Variants in BRD7 observed in about 807,000 individuals in gnomAD.
BRD7 encodes bromodomain containing 7, also known as bromodomain-containing protein 7.
BRD7 carries 15 observed loss-of-function variants against 82.1 expected under a neutral mutation model. The ratio of observed to expected loss-of-function variants is 0.18; its 90% CI spans 0.12 to 0.28. The LOEUF is 0.28. Ranked by LOEUF, BRD7 falls within the 10% of genes least tolerant of loss-of-function variation. BRD7 has a pLI of 1.00. For synonymous variants in BRD7, 232 were observed against 266.9 expected, an observed-to-expected ratio of 0.87 and a Z score of 1.27; for missense variants, 638 against 779.9, an observed-to-expected ratio of 0.82 and a Z score of 2.17.
chr16:50,320,872 T>A, intron 13 of BRD7, 98 bp from the exon 14 acceptor site: 1 of 794,654 alleles, frequency 1.3e-6, no homozygotes. Flanking sequence ...CAGGCAAAGT[T>A]ATTCTACCTA....
chr16:50,366,485 C>T (rs1171377667), intron 2 of BRD7, among the ~76,000 whole-genome samples: 2 of 152,330 alleles, frequency 1.3e-5, no homozygotes, highest in Non-Finnish European at 2.9e-5. Flanking sequence ...AAGCAATGAT[C>T]TAACTAGTTA....
At chr16:50,328,216 G>A (rs191838066) in intron 9 of BRD7, among the ~76,000 whole-genome samples, 3 of 152,256 alleles carry the variant, frequency 2.0e-5, no homozygotes, top group East Asian at 3.9e-4. Flanking sequence ...ACTGACTATA[G>A]TGAAAGATAC....
At position 50,339,966 on chromosome 16, in the gene BRD7, T is replaced by C. The variant is rs1308358452; in HGVS notation, c.702+10A>G. The C allele has an allele frequency of 2.0e-6, 3 of 1,506,152 alleles. No individual in the cohort carries two copies. Among genetic ancestry groups the C allele is most frequent in the East Asian group, 2.3e-5 (1 of 42,944 alleles). 93.3% of individuals were successfully genotyped at this position (1,506,152 alleles called of 1,614,324 possible). The stretch of plus-strand genomic sequence containing the variant: ...AATAACTATTATTTATGACAAAGAG[T>C]TTCCTTTACCTGGCTAAGAATTTTC... On this transcript the variant is annotated intron_variant, in intron 6 of 16. Transcript: ENST00000394688.
intron 4 of BRD7, among the ~76,000 whole-genome samples, chr16:50,352,687 T>A (rs1205004128): frequency 6.6e-6 from 1 of 150,768 alleles, no homozygotes; most frequent in Non-Finnish European, 1.5e-5. Flanking sequence ...CTCTACCACA[T>A]TCTTGCCAGC....
At chr16:50,357,019 G>A (rs532331553) in intron 2 of BRD7, among the ~76,000 whole-genome samples, 9 of 152,264 alleles carry the variant, frequency 5.9e-5, no homozygotes, top group African/African-American at 1.9e-4. Flanking sequence ...CAGACTGGCA[G>A]CATCAGGATT....
chr16:50,350,746 A>G (rs185238526), intron 4 of BRD7, among the ~76,000 whole-genome samples: 54 of 152,270 alleles, frequency 3.5e-4, no homozygotes, highest in Non-Finnish European at 2.1e-4. Context: ...AAACCCCAAA[A>G]TCAGAAACTC....
At chr16:50,333,530 C>A (rs1233275755) in intron 8 of BRD7, 44 bp downstream of exon 8, 1 of 1,596,182 alleles carries the variant, frequency 6.3e-7, no homozygotes, top group Admixed American at 1.8e-5. Context: ...TTTCAGATGC[C>A]CCAAATCAGT....
rs770259248 is a variant in BRD7 at position 50,318,929 on chromosome 16, G to GTGA, written c.*279_*281dup. 1.9e-5 allele frequency: 6 copies of GTGA among 323,516 alleles called. No homozygotes were observed. The highest frequency in any genetic ancestry group is 3.4e-5 in the Non-Finnish European group (6 of 177,082). 20.0% of individuals were successfully genotyped at this position (323,516 alleles called of 1,614,324 possible). Reference sequence around the variant, plus strand: ...GGGGCCGTTTTAAGAACGCTTCTTAGTGATGATCCTGTCTGTGGGACATAA... The same window carrying GTGA: ...GGGGCCGTTTTAAGAACGCTTCTTAGTGATGATGATCCTGTCTGTGGGACATAA... On this transcript the variant is annotated 3_prime_UTR_variant, in exon 17 of 17. Transcript: ENST00000394688.
At chr16:50,365,844 T>G (rs1467298424) in intron 2 of BRD7, among the ~76,000 whole-genome samples, 1 of 151,310 alleles carries the variant, frequency 6.6e-6, no homozygotes, top group East Asian at 1.9e-4. Context: ...GTCTAATATC[T>G]AAAGGGCAGG....
rs534655204 is a variant in BRD7 at position 50,316,843 on chromosome 16, C to T, written c.*2368G>A. 2.6e-5 allele frequency: 4 copies of T among 152,408 alleles called. No individual in the cohort carries two copies. The highest frequency in any genetic ancestry group is 4.8e-5 in the African/African-American group (2 of 41,554). 9.4% of individuals were successfully genotyped at this position (152,408 alleles called of 1,614,324 possible). On this transcript the variant is annotated 3_prime_UTR_variant, in exon 17 of 17. Transcript: ENST00000394688. ...ACCGGTGGCCTCATCACCAGAGCAT[C>T]GCCAGGATTTCTAATGCACTCAGTT...
At chr16:50,341,844 A>G (rs749278564) in intron 5 of BRD7, among the ~76,000 whole-genome samples, 4 of 151,196 alleles carry the variant, frequency 2.6e-5, no homozygotes, top group Non-Finnish European at 4.4e-5. Flanking sequence ...AGATTCCTTA[A>G]ATCTTAACAT....
In BRD7 at chr16:50,318,364, T is replaced by TAAG. The variant is rs1489577175; in HGVS notation, c.*844_*846dup. 1.3e-5 allele frequency: 2 copies of TAAG among 152,114 alleles called. No individual in the cohort carries two copies. The highest frequency in any genetic ancestry group is 2.9e-5 in the Non-Finnish European group (2 of 68,034). The allele number at this position is 152,114 out of a possible 1,614,324, so 9.4% of individuals were successfully genotyped here. On this transcript the variant is annotated 3_prime_UTR_variant, in exon 17 of 17. Transcript: ENST00000394688. ...CTGGGTGATTTATAGAAGGATTGTATAAGGGCCTTCAAACTTAATTTGTTC... is the reference window on the plus strand; with the variant it reads ...CTGGGTGATTTATAGAAGGATTGTATAAGAAGGGCCTTCAAACTTAATTTGTTC...
In BRD7 at chr16:50,323,498, C is replaced by A. The variant is rs191122890; in HGVS notation, c.1443+89G>T. 6.9e-4 allele frequency: 772 copies of A among 1,118,974 alleles called. 4 individuals carry two copies. The highest frequency in any genetic ancestry group is 5.7e-3 in the African/African-American group (373 of 65,274). 69.3% of individuals were successfully genotyped at this position (1,118,974 alleles called of 1,614,324 possible). ...AGGGCCACAGAGTTCAGCTGTCATA[C>A]TTGTTAATCCCATGGTTTCATTATA... On this transcript the variant is annotated intron_variant, in intron 12 of 16. Coordinates refer to ENST00000394688, the MANE Select transcript of BRD7 (RefSeq NM_013263.5).
intron 5 of BRD7, among the ~76,000 whole-genome samples, chr16:50,343,002 T>C (rs967361071): frequency 1.3e-5 from 2 of 152,308 alleles, no homozygotes; most frequent in African/African-American, 2.4e-5. Context: ...TTCAGGTCCT[T>C]GTAAATTTTC....
chr16:50,330,619 T>C (rs1217545800), intron 8 of BRD7, among the ~76,000 whole-genome samples: 1 of 152,174 alleles, frequency 6.6e-6, no homozygotes, highest in Non-Finnish European at 1.5e-5. Flanking sequence ...TTCTGTGTGT[T>C]TGTATGTCTA....
Position 50,363,655 on chromosome 16 carries a change from G to C in BRD7, c.258+4435C>G, listed in dbSNP as rs1445713248. ...ACGTTGTGTGTTTGTGTGTGTGTGT[G>C]TGTGTGCGCGCGCGCGCGTGCGCGT... On this transcript the variant is annotated intron_variant, in intron 2 of 16. Transcript: ENST00000394688. Among the ~76,000 whole-genome samples, 7 of 95,466 alleles carry C rather than the reference G, an allele frequency of 7.3e-5. No homozygotes were observed. The Admixed American group carries it at 7.7e-4, about 11-fold the overall frequency. The allele number at this position is 95,466 out of a possible 152,430, so 62.6% of individuals were successfully genotyped here.
In BRD7 at chr16:50,333,608, C is replaced by T; in HGVS notation, c.977G>A (p.Gly326Glu). Residue 326 changes from glycine (G) to glutamate (E), a missense_variant, in exon 8 of 17, where the codon GGA (glycine) becomes GAA (glutamate). Physicochemically the swap from Gly to Glu is moderately conservative, Grantham distance 98. Coordinates refer to ENST00000394688, the MANE Select transcript of BRD7 (RefSeq NM_013263.5). ...EQLDRIVKESGGKLTRRLVNS... is the reference protein window; with the variant it reads ...EQLDRIVKESEGKLTRRLVNS... Reference sequence around the variant, plus strand: ...CACAAGCCGCCTGGTCAGCTTTCCTCCAGATTCCTTCACGATGCGGTCAAG... The same window carrying T: ...CACAAGCCGCCTGGTCAGCTTTCCTTCAGATTCCTTCACGATGCGGTCAAG... 6.2e-7 allele frequency: 1 copy of T among 1,611,948 alleles called. No homozygotes were observed. Among genetic ancestry groups the T allele is most frequent in the East Asian group, 2.2e-5 (1 of 44,884 alleles).
intron 5 of BRD7, among the ~76,000 whole-genome samples, chr16:50,343,942 C>A (rs1426896331): frequency 6.6e-6 from 1 of 152,216 alleles, no homozygotes; most frequent in Non-Finnish European, 1.5e-5. Context: ...AGTTTGAGAT[C>A]TGAGAACGGA....
chr16:50,324,175 T>G (rs138685248), intron 11 of BRD7, among the ~76,000 whole-genome samples: 120 of 152,210 alleles, frequency 7.9e-4, no homozygotes, highest in African/African-American at 2.6e-3. Flanking sequence ...TCTCGGTAAA[T>G]AGCAACTGCA....
Sources: gnomAD v4.1 joint callset for allele counts (sites outside exome capture counted in the v4.1 genomes callset) on GRCh38, gnomAD v4.1.1 for gene constraint, MANE v1.5 for transcripts, NCBI Gene and HGNC (gene_info 2026-07-23, HGNC 2026-07-21) for gene names.